Variants in ZNF800 observed in about 807,000 individuals in gnomAD.
ZNF800 encodes zinc finger protein 800.
A neutral mutation model predicts 59.5 loss-of-function variants in ZNF800; 13 were observed. The ratio of observed to expected loss-of-function variants is 0.22; its 90% CI spans 0.14 to 0.35. The LOEUF (loss-of-function observed/expected upper bound fraction) is 0.35, where lower values mean the gene tolerates loss of function less well. ZNF800 is among the 10% of genes least tolerant of loss of function. The pLI, the probability that ZNF800 is intolerant of heterozygous loss-of-function variation, is 1.00. For synonymous variants in ZNF800, 266 were observed against 265.7 expected (o/e 1.00, Z -0.01); for missense variants, 621 against 783.7 (o/e 0.79, Z 2.48).
intron 1 of ZNF800, among the ~76,000 whole-genome samples, chr7:127,349,004 C>T (rs368706165): frequency 6.6e-6 from 1 of 151,932 alleles, no homozygotes; most frequent in African/African-American, 2.4e-5. Flanking sequence ...TGCAGTTAAT[C>T]AAAGCTACTG....
intron 3 of ZNF800, among the ~76,000 whole-genome samples, chr7:127,378,077 C>T (rs1406550407): frequency 6.6e-6 from 1 of 152,022 alleles, no homozygotes; most frequent in Non-Finnish European, 1.5e-5. Flanking sequence ...TAGTTTAATG[C>T]CTATCTTCTC....
At chr7:127,384,227 CTTTTTTTTTTT>C (rs577977623) in intron 3 of ZNF800, among the ~76,000 whole-genome samples, 7 of 63,380 alleles carry the variant, frequency 1.1e-4, no homozygotes, top group Admixed American at 7.6e-4. Flanking sequence ...ATTCTAACTT[CTTTTTTTTTTT>C]TTTTTTTTTT....
At chr7:127,373,285 ATT>A in intron 5 of ZNF800, 55 bp downstream of exon 5, 1 of 1,439,294 alleles carries the variant, frequency 6.9e-7, no homozygotes. Flanking sequence ...TGGTCAAATG[ATT>A]TTTTTTTTAG....
At position 127,373,400 on chromosome 7, in the gene ZNF800, T is replaced by C. The variant is rs761191819; in HGVS notation, c.1936A>G (p.Asn646Asp). ...HKKTHKANAS[N>D]SPEGNKTKGR... is the part of the protein sequence containing the mutation. ...TTGGTTTTGTTTCCTTCAGGTGAATTGGAAGCATTTGCCTTATGAGTTTTC... is the reference window on the plus strand; with the variant it reads ...TTGGTTTTGTTTCCTTCAGGTGAATCGGAAGCATTTGCCTTATGAGTTTTC... The change falls in exon 5 of 6, where the codon AAT becomes GAT. Residue 646 changes from asparagine (N) to aspartate (D), a missense_variant. By Grantham distance (23) the Asn-to-Asp change is conservative. Around this residue, in one of 7 missense-constraint regions of ZNF800, gnomAD observed 94 missense variants for 108.5 expected, o/e 0.87. Transcript: ENST00000265827. 1 of 1,613,056 alleles carries C rather than the reference T, an allele frequency of 6.2e-7. No individual in the cohort carries two copies. The highest frequency in any genetic ancestry group is 2.2e-5 in the East Asian group (1 of 44,848).
intron 1 of ZNF800, among the ~76,000 whole-genome samples, chr7:127,350,965 G>A (rs562794367): frequency 6.6e-6 from 1 of 152,164 alleles, no homozygotes; most frequent in Non-Finnish European, 1.5e-5. Flanking sequence ...TTCTTAAATG[G>A]AGTTCTCCTT....
At chr7:127,385,843 T>C (rs1801124707) in intron 3 of ZNF800, among the ~76,000 whole-genome samples, 1 of 152,118 alleles carries the variant, frequency 6.6e-6, no homozygotes, top group African/African-American at 2.4e-5. Context: ...AACAAATTTA[T>C]TTTAAAATTA....
At chr7:127,373,184 G>A (rs1442753348) in intron 5 of ZNF800, 158 bp downstream of exon 5, 1 of 985,406 alleles carries the variant, frequency 1.0e-6, no homozygotes, top group Admixed American at 6.1e-5. Flanking sequence ...TCACTGAAGA[G>A]GTAAATGCAA....
chr7:127,377,101 G>C lies in ZNF800; in HGVS notation c.301+85C>G. On this transcript the variant is annotated intron_variant, in intron 4 of 5. Transcript: ENST00000265827. The surrounding 1 kb of genome is among the most constrained non-coding windows in gnomAD (Gnocchi z 4.7). Reference sequence around the variant, plus strand: ...ATCATTATCAAATTATCAGTAACTAGATACAATTTTAATGCAAATGTATAC... The same window carrying C: ...ATCATTATCAAATTATCAGTAACTACATACAATTTTAATGCAAATGTATAC... 1 of 1,210,262 alleles carries C rather than the reference G, an allele frequency of 8.3e-7. No homozygotes were observed. The highest frequency in any genetic ancestry group is 1.1e-6 in the Non-Finnish European group (1 of 882,858). The allele number at this position is 1,210,262 out of a possible 1,614,324, so 75.0% of individuals were successfully genotyped here.
chr7:127,345,251 C>G (rs923354326), downstream of ZNF800, among the ~76,000 whole-genome samples: 2 of 151,970 alleles, frequency 1.3e-5, no homozygotes, highest in African/African-American at 4.8e-5. Flanking sequence ...ATCTAGACAT[C>G]CAAACATGGT....
At position 127,384,179 on chromosome 7, in the gene ZNF800, C is replaced by T. The variant is rs186541630; in HGVS notation, c.157+1881G>A. The stretch of plus-strand genomic sequence containing the variant: ...TGGGTACAGGTTCTTGTTGATAAGG[C>T]TGTTTTTTAACAAGTCAAAGCACTT... On this transcript the variant is annotated intron_variant, in intron 3 of 5. Transcript: ENST00000265827. Among the ~76,000 whole-genome samples, 23 of 140,212 alleles carry T rather than the reference C, an allele frequency of 1.6e-4. No homozygotes were observed. The East Asian group carries it at 5.3e-3, about 32-fold the overall frequency. The allele number at this position is 140,212 out of a possible 152,430, so 92.0% of individuals were successfully genotyped here.
chr7:127,390,682 G>A (rs1801281130), intron 2 of ZNF800, among the ~76,000 whole-genome samples: 3 of 152,082 alleles, frequency 2.0e-5, no homozygotes, highest in African/African-American at 7.2e-5. Flanking sequence ...CTTTAAACTA[G>A]AATAGCCTAG....
intron 3 of ZNF800, among the ~76,000 whole-genome samples, chr7:127,380,788 C>A (rs1293590834): frequency 6.6e-6 from 1 of 152,154 alleles, no homozygotes; most frequent in Non-Finnish European, 1.5e-5. Context: ...CTCTTTCTTG[C>A]CTTAGGGTTT....
chr7:127,351,621 A>G (rs1322037704), intron 1 of ZNF800: 1 of 152,124 alleles, frequency 6.6e-6, no homozygotes, highest in Non-Finnish European at 1.5e-5. Flanking sequence ...TTCTGTACTC[A>G]TTTTCACACA....
chr7:127,347,041 C>G (rs712696), exon 2 of ZNF800: 3 of 152,228 alleles, frequency 2.0e-5, no homozygotes. Context: ...GCAAACCCAG[C>G]AGTGTATGCC....
At chr7:127,391,429 T>A in intron 2 of ZNF800, 68 bp downstream of exon 2, 1 of 1,497,796 alleles carries the variant, frequency 6.7e-7, no homozygotes, top group Non-Finnish European at 9.3e-7. Flanking sequence ...GAAAAAAAGC[T>A]AGAAAAAAAG....
intron 4 of ZNF800, among the ~76,000 whole-genome samples, chr7:127,376,519 T>G (rs1800791159): frequency 6.6e-6 from 1 of 151,936 alleles, no homozygotes; most frequent in Non-Finnish European, 1.5e-5. Context: ...AAACATTCTG[T>G]TCCAGAAAGA....
At chr7:127,378,129 C>G (rs895009628) in intron 3 of ZNF800, among the ~76,000 whole-genome samples, 1 of 152,052 alleles carries the variant, frequency 6.6e-6, no homozygotes, top group Non-Finnish European at 1.5e-5. Context: ...ATAAGCCTAT[C>G]TTATTTACAA....
chr7:127,365,663 T>C (rs574292671), downstream of ZNF800, among the ~76,000 whole-genome samples: 19 of 152,172 alleles, frequency 1.2e-4, no homozygotes, highest in South Asian at 3.9e-3. Flanking sequence ...AGCAAATTCG[T>C]GAACAATTAG....
At chr7:127,373,284 G>C (rs554318069) in intron 5 of ZNF800, 58 bp downstream of exon 5, 1 of 1,524,310 alleles carries the variant, frequency 6.6e-7, no homozygotes, top group South Asian at 1.4e-5. Context: ...ATGGTCAAAT[G>C]ATTTTTTTTT....
Sources: allele counts gnomAD v4.1 joint callset (sites outside exome capture counted in the v4.1 genomes callset), GRCh38; gene constraint gnomAD v4.1.1; regional missense constraint gnomAD v4.1.1; non-coding constraint Gnocchi (gnomAD v3.1); transcripts MANE v1.5; gene names NCBI Gene and HGNC (gene_info 2026-07-23, HGNC 2026-07-21).